The following SCNN1B variants were observed in gnomAD, a reference collection of about 807,000 sequenced individuals.
SCNN1B encodes epithelial sodium channel subunit beta.
Under a neutral mutation model 65.3 loss-of-function variants are expected in SCNN1B, and 46 were observed. The ratio of observed to expected loss-of-function variants is 0.70; its 90% confidence interval spans 0.56 to 0.90. SCNN1B has a LOEUF of 0.90. Among genes scored for constraint, SCNN1B ranks in the 40% least tolerant of loss-of-function variants. The pLI, the probability that SCNN1B is intolerant of heterozygous loss-of-function variation, is 0.00. For synonymous variants in SCNN1B, 349 were observed against 330.6 expected (o/e 1.06, Z -0.60); for missense variants, 751 against 830.5 (o/e 0.90, Z 1.18).
At chr16:23,296,990 C>CA (rs57412418) in intron 2 of SCNN1B, among the ~76,000 whole-genome samples, 7,740 of 81,844 alleles carry the variant, frequency 0.095, 613 homozygotes, top group African/African-American at 0.21. Flanking sequence ...CATCTCAAAA[C>CA]AAAAAAAAAA....
intron 1 of SCNN1B, among the ~76,000 whole-genome samples, chr16:23,345,436 G>A (rs1423295420): frequency 2.0e-5 from 3 of 152,212 alleles, no homozygotes; most frequent in African/African-American, 4.8e-5. Flanking sequence ...GGCCAGGAAT[G>A]AATGGCTTCA....
At chr16:23,371,654 GC>G (rs949395144) in intron 6 of SCNN1B, 121 bp from the exon 7 acceptor site, 28 of 1,013,946 alleles carry the variant, frequency 2.8e-5, no homozygotes, top group African/African-American at 1.0e-4. Flanking sequence ...CCCCTCTGGC[GC>G]CCCCCCTGGC....
At chr16:23,330,040 GA>G (rs1047261274) in intron 1 of SCNN1B, among the ~76,000 whole-genome samples, 6 of 150,794 alleles carry the variant, frequency 4.0e-5, no homozygotes, top group Non-Finnish European at 8.9e-5. Flanking sequence ...AAAAAAAAAA[GA>G]AAAAAAGAGA....
intron 1 of SCNN1B, among the ~76,000 whole-genome samples, chr16:23,305,459 C>A (rs1415146161): frequency 7.1e-6 from 1 of 139,890 alleles, no homozygotes; most frequent in Non-Finnish European, 1.5e-5. Flanking sequence ...TCGAGACCAG[C>A]GAGTTGCTTG....
rs573636007 is a variant in SCNN1B at position 23,362,419 on chromosome 16, G to T, written c.777-5437G>T. 5.3e-5 allele frequency among the ~76,000 whole-genome samples: 8 copies of T among 152,236 alleles called. No homozygotes were observed. The South Asian group carries it at 1.7e-3, about 32-fold the overall frequency. ...AAGCATTATTATTACTATGGTTGTT[G>T]TTGTTTCAGGGATTATCCAACTAGT... On this transcript the variant is annotated intron_variant, in intron 4 of 12. Coordinates refer to ENST00000343070, the MANE Select transcript of SCNN1B (RefSeq NM_000336.3).
At chr16:23,358,270 T>C (rs1457682588) in intron 4 of SCNN1B, 1 of 152,094 alleles carries the variant, frequency 6.6e-6, no homozygotes, top group Admixed American at 6.6e-5. Flanking sequence ...ACAGGGAAAA[T>C]AGCTGGCTGA....
At chr16:23,307,962 T>G (rs976338092) in intron 1 of SCNN1B, among the ~76,000 whole-genome samples, 1 of 152,144 alleles carries the variant, frequency 6.6e-6, no homozygotes, top group African/African-American at 2.4e-5. Context: ...AGAGGATTGC[T>G]TGAGCCCAGG....
intron 5 of SCNN1B, 122 bp downstream of exon 5, chr16:23,368,081 G>A: frequency 1.2e-6 from 1 of 837,430 alleles, no homozygotes; most frequent in Non-Finnish European, 2.1e-6. Context: ...ATCAAGAGGA[G>A]TGGCTGCTAC....
At chr16:23,359,532 T>C (rs1177383752) in intron 4 of SCNN1B, among the ~76,000 whole-genome samples, 1 of 152,188 alleles carries the variant, frequency 6.6e-6, no homozygotes, top group Non-Finnish European at 1.5e-5. Context: ...TGAGTCAGCC[T>C]TGGACACAGC....
intron 3 of SCNN1B, among the ~76,000 whole-genome samples, chr16:23,354,687 T>C (rs1173364976): frequency 7.2e-5 from 11 of 152,294 alleles, no homozygotes; most frequent in African/African-American, 2.6e-4. Context: ...TGGCAGAGGC[T>C]GGAAAAGGAA....
At chr16:23,287,736 T>G (rs1219762691) in intron 2 of SCNN1B, among the ~76,000 whole-genome samples, 1 of 151,736 alleles carries the variant, frequency 6.6e-6, no homozygotes, top group Non-Finnish European at 1.5e-5. Context: ...AGAGTGACAC[T>G]CAGTCTAAAA....
At chr16:23,344,441 G>A (rs2142012618) in intron 1 of SCNN1B, among the ~76,000 whole-genome samples, 1 of 152,380 alleles carries the variant, frequency 6.6e-6, no homozygotes, top group Non-Finnish European at 1.5e-5. Context: ...CTAATGTGAT[G>A]TTCACCTATG....
upstream of SCNN1B, among the ~76,000 whole-genome samples, chr16:23,300,831 C>T (rs1355240188): frequency 6.6e-6 from 1 of 151,166 alleles, no homozygotes; most frequent in Non-Finnish European, 1.5e-5. Flanking sequence ...TCTCTCTTTA[C>T]CAAAAAAAGA....
chr16:23,380,916 A>G lies in SCNN1B; in HGVS notation c.*115A>G, dbSNP rs1221576872. ...GGTCGGGAGGGTAGCTCTCCAGGCC[A>G]GAGCTTGTGTCCTTCAACAGAGAGG... On this transcript the variant is annotated 3_prime_UTR_variant, in exon 13 of 13. Transcript: ENST00000343070. This position sits in a 1 kb window ranked among gnomAD's most constrained non-coding sequence, Gnocchi z 5.4. 3.4e-6 allele frequency: 4 copies of G among 1,172,072 alleles called. No homozygotes were observed. Among genetic ancestry groups the G allele is most frequent in the Admixed American group, 3.4e-5 (2 of 59,240 alleles). 72.6% of individuals were successfully genotyped at this position (1,172,072 alleles called of 1,614,324 possible).
At chr16:23,379,097 C>A (rs1232659895) in intron 11 of SCNN1B, among the ~76,000 whole-genome samples, 2 of 147,236 alleles carry the variant, frequency 1.4e-5, no homozygotes, top group African/African-American at 5.3e-5. Context: ...TCCACCCATT[C>A]ATCCCTCCAT....
chr16:23,347,736 C>T (rs375487283), intron 1 of SCNN1B, among the ~76,000 whole-genome samples: 3 of 152,170 alleles, frequency 2.0e-5, no homozygotes, highest in East Asian at 1.9e-4. Flanking sequence ...GGTGAAACCC[C>T]GTCTCCACTA....
chr16:23,364,909 T>C (rs1962617657), intron 4 of SCNN1B, among the ~76,000 whole-genome samples: 1 of 152,132 alleles, frequency 6.6e-6, no homozygotes, highest in African/African-American at 2.4e-5. Flanking sequence ...GTGGATTGCC[T>C]GAGGTCAGGA....
In SCNN1B at chr16:23,378,753, T is replaced by C; in HGVS notation, c.1452T>C (p.Asn484=). ...CTCAGGAGCGGGACCAAAGCACCAA[T>C]ATCACCCTGAGCAGGTGAGCCTGAG... ...VLSQERDQST[N]ITLSRKGIVK... is the part of the protein sequence containing the mutation. Residue 484 remains asparagine (N), a synonymous_variant, in exon 11 of 13, where the codon AAT becomes AAC. Transcript: ENST00000343070. 2 of 1,613,924 alleles carry C rather than the reference T, an allele frequency of 1.2e-6. No individual in the cohort carries two copies. Among genetic ancestry groups the C allele is most frequent in the Non-Finnish European group, 1.7e-6 (2 of 1,179,962 alleles).
At chr16:23,315,801 C>T (rs1282670907) in intron 1 of SCNN1B, among the ~76,000 whole-genome samples, 3 of 152,160 alleles carry the variant, frequency 2.0e-5, no homozygotes, top group Non-Finnish European at 2.9e-5. Flanking sequence ...GAGACCCTGT[C>T]TCTTAAACGA....
Sources: allele counts gnomAD v4.1 joint callset (sites outside exome capture counted in the v4.1 genomes callset), GRCh38; gene constraint gnomAD v4.1.1; non-coding constraint Gnocchi (gnomAD v3.1); transcripts MANE v1.5; gene names NCBI Gene and HGNC (gene_info 2026-07-23, HGNC 2026-07-21).